The following PDCL2 variants were observed in gnomAD, a reference collection of about 807,000 sequenced individuals.
PDCL2 encodes the protein phosducin-like protein 2.
Under a neutral mutation model 30.3 loss-of-function variants are expected in PDCL2, and 23 were observed. The ratio of observed to expected loss-of-function variants is 0.76; its 90% CI spans 0.55 to 1.08. PDCL2 has a LOEUF of 1.08. PDCL2 is among the 50% of genes least tolerant of loss of function. The pLI is 0.00. For synonymous variants in PDCL2, 68 were observed against 86.2 expected (o/e 0.79, Z 1.17); for missense variants, 243 against 282.3 (o/e 0.86, Z 1.00).
chr4:55,583,751 T>G (rs1732787625), intron 1 of PDCL2, among the ~76,000 whole-genome samples: 1 of 152,208 alleles, frequency 6.6e-6, no homozygotes, highest in African/African-American at 2.4e-5. Flanking sequence ...CATTTTTGAG[T>G]TCTCCATTGG....
chr4:55,577,710 T>G (rs1732606946), intron 3 of PDCL2, among the ~76,000 whole-genome samples: 1 of 152,240 alleles, frequency 6.6e-6, no homozygotes, highest in South Asian at 2.1e-4. Context: ...ATAACTTCTA[T>G]TTCTTTATTG....
chr4:55,571,635 T>C (rs71627111), intron 3 of PDCL2, among the ~76,000 whole-genome samples: 2 of 41,268 alleles, frequency 4.8e-5, no homozygotes, highest in Admixed American at 3.1e-4. Flanking sequence ...TGCAGTGAGC[T>C]GAGATTGTGC....
In PDCL2 at chr4:55,562,099, G is replaced by T. The variant is rs192875864; in HGVS notation, c.571+305C>A. 7.5e-4 allele frequency among the ~76,000 whole-genome samples: 114 copies of T among 152,264 alleles called. 1 individual carries two copies. The Middle Eastern group carries it at 0.034, about 45-fold the overall frequency. On this transcript the variant is annotated intron_variant, in intron 5 of 5. Coordinates refer to ENST00000295645, the MANE Select transcript of PDCL2 (RefSeq NM_152401.3). ...GAGTAATGTCTATTTGTGGGTTGTG[G>T]CTGAAGACCAGCCTAACAGGAACAG...
At chr4:55,574,007 C>T (rs918219132) in intron 3 of PDCL2, among the ~76,000 whole-genome samples, 1 of 151,798 alleles carries the variant, frequency 6.6e-6, no homozygotes, top group Non-Finnish European at 1.5e-5. Context: ...GATTCTCCTG[C>T]CTCAGCCTCC....
At chr4:55,577,459 C>T (rs1369687235) in intron 3 of PDCL2, among the ~76,000 whole-genome samples, 1 of 152,200 alleles carries the variant, frequency 6.6e-6, no homozygotes, top group Non-Finnish European at 1.5e-5. Flanking sequence ...TCTCCCCTCT[C>T]CAGAGAGCAG....
At chr4:55,581,011 A>T in intron 2 of PDCL2, 100 bp from the exon 3 acceptor site, 1 of 787,326 alleles carries the variant, frequency 1.3e-6, no homozygotes, top group Non-Finnish European at 1.9e-6. Context: ...GGAGATCAAC[A>T]GTATCTTTAA....
chr4:55,592,131 A>G lies in PDCL2; in HGVS notation c.-22T>C, dbSNP rs1733019745. On this transcript the variant is annotated 5_prime_UTR_variant, in exon 1 of 6. Coordinates refer to ENST00000295645, the MANE Select transcript of PDCL2 (RefSeq NM_152401.3). ...GCATGATGCGCTGCTCTGCCCCTCAAGAGCCCGCGTCGTCCTGCAGCTGGC... is the reference window on the plus strand; with the variant it reads ...GCATGATGCGCTGCTCTGCCCCTCAGGAGCCCGCGTCGTCCTGCAGCTGGC... 2 of 1,608,866 alleles carry G rather than the reference A, an allele frequency of 1.2e-6. No homozygotes were observed. The highest frequency in any genetic ancestry group is 2.7e-5 in the African/African-American group (2 of 74,756).
intron 1 of PDCL2, among the ~76,000 whole-genome samples, chr4:55,590,492 T>C (rs1577922497): frequency 6.9e-6 from 1 of 145,854 alleles, no homozygotes; most frequent in Middle Eastern, 3.3e-3. Flanking sequence ...GAACTATGAA[T>C]TTTTTCCCCC....
chr4:55,570,716 C>G (rs556756162), intron 3 of PDCL2, among the ~76,000 whole-genome samples: 149 of 152,304 alleles, frequency 9.8e-4, no homozygotes, highest in Middle Eastern at 3.4e-3. Context: ...GTTTAAAAAA[C>G]CAACTCTCTC....
chr4:55,558,953 AAC>A (rs1732053521), intron 5 of PDCL2, among the ~76,000 whole-genome samples: 1 of 152,194 alleles, frequency 6.6e-6, no homozygotes, highest in African/African-American at 2.4e-5. Flanking sequence ...TCAATGAAAA[AAC>A]ACAAATGACA....
intron 1 of PDCL2, among the ~76,000 whole-genome samples, chr4:55,591,831 T>C (rs1733011268): frequency 6.6e-6 from 1 of 152,198 alleles, no homozygotes; most frequent in African/African-American, 2.4e-5. Flanking sequence ...GCAGTAAGAT[T>C]TCTATGATTT....
intron 4 of PDCL2, among the ~76,000 whole-genome samples, chr4:55,563,011 C>T (rs1233963552): frequency 3.3e-5 from 5 of 152,110 alleles, no homozygotes; most frequent in Non-Finnish European, 5.9e-5. Context: ...AGCTTCTTTC[C>T]ATGTAATGAG....
chr4:55,580,429 T>C (rs1169192715), intron 3 of PDCL2, among the ~76,000 whole-genome samples: 1 of 152,168 alleles, frequency 6.6e-6, no homozygotes, highest in African/African-American at 2.4e-5. Flanking sequence ...GGGAAATTTA[T>C]GAACCTGTTC....
intron 2 of PDCL2, 49 bp from the exon 3 acceptor site, chr4:55,580,960 A>T (rs1173850724): frequency 2.8e-6 from 4 of 1,405,178 alleles, no homozygotes; most frequent in Non-Finnish European, 3.8e-6. Flanking sequence ...AAATTTTTTT[A>T]CTATACAGTC....
chr4:55,559,047 G>A (rs893087780), intron 5 of PDCL2, among the ~76,000 whole-genome samples: 4 of 152,056 alleles, frequency 2.6e-5, no homozygotes, highest in African/African-American at 9.7e-5. Context: ...CTTGTAATCA[G>A]GGAAATCCAC....
chr4:55,559,528 T>A (rs779101699), intron 5 of PDCL2, among the ~76,000 whole-genome samples: 1 of 152,240 alleles, frequency 6.6e-6, no homozygotes, highest in African/African-American at 2.4e-5. Context: ...ATACTTTCAA[T>A]TTTGCAATTA....
At chr4:55,573,851 A>C (rs1732492865) in intron 3 of PDCL2, among the ~76,000 whole-genome samples, 1 of 151,668 alleles carries the variant, frequency 6.6e-6, no homozygotes, top group Admixed American at 6.6e-5. Flanking sequence ...CAAGTAAAAA[A>C]AAAGTTCCAT....
chr4:55,564,584 G>A (rs1396418110), intron 4 of PDCL2, among the ~76,000 whole-genome samples: 1 of 152,140 alleles, frequency 6.6e-6, no homozygotes, highest in Non-Finnish European at 1.5e-5. Flanking sequence ...TTGGGGTACA[G>A]GGTAAGATTA....
intron 1 of PDCL2, among the ~76,000 whole-genome samples, chr4:55,588,591 A>C (rs1194818916): frequency 6.6e-6 from 1 of 152,222 alleles, no homozygotes; most frequent in Non-Finnish European, 1.5e-5. Context: ...TCATGGGTAC[A>C]TCCTTAACCT....
Sources: allele counts gnomAD v4.1 joint callset (sites outside exome capture counted in the v4.1 genomes callset), GRCh38; gene constraint gnomAD v4.1.1; transcripts MANE v1.5; gene names NCBI Gene and HGNC (gene_info 2026-07-23, HGNC 2026-07-21).